HERC2: variants seen among roughly 807,000 people sequenced by gnomAD.
HERC2 encodes HECT and RLD domain containing E3 ubiquitin protein ligase 2, also known as E3 ubiquitin-protein ligase HERC2.
HERC2 carries 102 observed loss-of-function variants against 537.7 expected under a neutral mutation model. That is an observed-to-expected ratio of 0.19 (90% CI 0.16 to 0.22). The LOEUF (loss-of-function observed/expected upper bound fraction) is 0.22, where lower values mean the gene tolerates loss of function less well. Among genes scored for constraint, HERC2 ranks in the 10% least tolerant of loss-of-function variants. The probability of loss-of-function intolerance (pLI) is 1.00; values close to 1 mark genes in which losing one functional copy is unlikely to be tolerated. For missense variants in HERC2, 4,236 were observed against 6,198.2 expected (o/e 0.68, Z 10.63); for synonymous variants, 2,224 against 2,466.2 (o/e 0.90, Z 2.91).
chr15:28,146,222 A>G lies in HERC2; in HGVS notation c.11008+15T>C. 1 of 1,590,300 alleles carries G rather than the reference A, an allele frequency of 6.3e-7. No homozygotes were observed. The highest frequency in any genetic ancestry group is 1.3e-5 in the African/African-American group (1 of 74,408). ...AGGTGGGTAGATCATGCCCTGCTCA[A>G]CCTCCTGTCCTTACCTGACCGCACG... On this transcript the variant is annotated intron_variant, in intron 71 of 92. Transcript: ENST00000261609.
At chr15:28,174,069 A>G (rs1339463456) in intron 65 of HERC2, among the ~76,000 whole-genome samples, 3 of 152,068 alleles carry the variant, frequency 2.0e-5, no homozygotes, top group Non-Finnish European at 1.5e-5. Context: ...ATTATAACTG[A>G]ATAAAGCTGT....
At chr15:28,259,418 C>T (rs1282383481) in intron 16 of HERC2, among the ~76,000 whole-genome samples, 2 of 152,010 alleles carry the variant, frequency 1.3e-5, no homozygotes. Context: ...AAAGCAATCT[C>T]CAGACTCAGA....
chr15:28,223,089 G>A (rs1900697940), intron 35 of HERC2, among the ~76,000 whole-genome samples: 1 of 152,160 alleles, frequency 6.6e-6, no homozygotes, highest in Non-Finnish European at 1.5e-5. Flanking sequence ...AAACCTGGGG[G>A]TGGTCTTGGA....
intron 2 of HERC2, among the ~76,000 whole-genome samples, chr15:28,308,373 G>T (rs958432847): frequency 6.6e-6 from 1 of 152,224 alleles, no homozygotes; most frequent in Non-Finnish European, 1.5e-5. Context: ...TTGGCACACA[G>T]AAATGCTACT....
intron 35 of HERC2, among the ~76,000 whole-genome samples, chr15:28,222,491 A>G (rs1321750799): frequency 6.6e-6 from 1 of 152,222 alleles, no homozygotes; most frequent in African/African-American, 2.4e-5. Flanking sequence ...TCCCCCCAAA[A>G]AAGCAAAATA....
intron 34 of HERC2, 115 bp downstream of exon 34, chr15:28,229,080 A>G (rs1261373682): frequency 1.0e-6 from 1 of 990,780 alleles, no homozygotes; most frequent in Non-Finnish European, 1.6e-6. Context: ...ATACAAGTAC[A>G]AAGTACAAAC....
chr15:28,232,825 A>C (rs1230546129), intron 30 of HERC2, among the ~76,000 whole-genome samples: 3 of 152,238 alleles, frequency 2.0e-5, no homozygotes, highest in Admixed American at 1.3e-4. Context: ...TTCCCATTAT[A>C]TCTCATTACC....
intron 2 of HERC2, among the ~76,000 whole-genome samples, chr15:28,306,735 C>T (rs1321425135): frequency 1.3e-5 from 2 of 152,188 alleles, no homozygotes; most frequent in Non-Finnish European, 2.9e-5. Context: ...TTTATTATTA[C>T]AGTTTCAATC....
Position 28,152,715 on chromosome 15 carries a change from G to C in HERC2, c.10862C>G (p.Thr3621Ser). 1 of 1,551,760 alleles carries C rather than the reference G, an allele frequency of 6.4e-7. No individual in the cohort carries two copies. The highest frequency in any genetic ancestry group is 1.2e-5 in the South Asian group (1 of 84,040). Residue 3621 changes from threonine (T) to serine (S), a missense_variant, in exon 70 of 93, where the codon ACC (threonine) becomes AGC (serine). Physicochemically the swap from Thr to Ser is moderately conservative, Grantham distance 58 (BLOSUM62 1). This residue lies in a region of HERC2 where 356 missense variants were observed against 450.9 expected (regional missense o/e 0.79). Coordinates refer to ENST00000261609, the MANE Select transcript of HERC2 (RefSeq NM_004667.6). Reference sequence around the variant, plus strand: ...TGTGCCACTGGTGGAGGTGTCGTCGGTGTAAGGGTGGCTACTCTCCACCAC... The same window carrying C: ...TGTGCCACTGGTGGAGGTGTCGTCGCTGTAAGGGTGGCTACTCTCCACCAC... ...PVVVESSHPYTDDTSTSGTVK... is the reference protein window; with the variant it reads ...PVVVESSHPYSDDTSTSGTVK...
chr15:28,119,399 C>CAAAAAA (rs201078187), intron 86 of HERC2, among the ~76,000 whole-genome samples: 6 of 133,926 alleles, frequency 4.5e-5, no homozygotes, highest in South Asian at 2.4e-4. Flanking sequence ...GACTCCCTCT[C>CAAAAAA]AAAAAAAAAA....
At chr15:28,155,011 C>T (rs1054246413) in intron 69 of HERC2, among the ~76,000 whole-genome samples, 2 of 149,302 alleles carry the variant, frequency 1.3e-5, no homozygotes, top group Non-Finnish European at 3.0e-5. Flanking sequence ...TGAGAACATG[C>T]AGTGTTTGGT....
At chr15:28,172,004 A>G (rs8034699) in intron 65 of HERC2, among the ~76,000 whole-genome samples, 30,939 of 150,996 alleles carry the variant, frequency 0.2, 6,059 homozygotes, top group African/African-American at 0.5. Flanking sequence ...GAACCCGGGA[A>G]GCAGAGCTTG....
chr15:28,304,114 C>T (rs760323815), intron 2 of HERC2, among the ~76,000 whole-genome samples: 33 of 134,384 alleles, frequency 2.5e-4, no homozygotes, highest in Admixed American at 7.6e-4. Flanking sequence ...TGCAGTGAGC[C>T]GAGATTGCGC....
At chr15:28,175,439 G>A (rs1467568015) in intron 64 of HERC2, 73 bp downstream of exon 64, 4 of 1,395,498 alleles carry the variant, frequency 2.9e-6, no homozygotes, top group African/African-American at 1.4e-5. Context: ...TCAACAGGAC[G>A]AAGGCCGTGT....
At chr15:28,194,006 T>A (rs1897095512) in intron 52 of HERC2, among the ~76,000 whole-genome samples, 1 of 150,338 alleles carries the variant, frequency 6.7e-6, no homozygotes, top group African/African-American at 2.4e-5. Context: ...CAGAAAAATC[T>A]AAATGAATAT....
intron 12 of HERC2, 118 bp from the exon 13 acceptor site, chr15:28,266,092 C>T: frequency 9.5e-7 from 1 of 1,051,668 alleles, no homozygotes; most frequent in Non-Finnish European, 1.4e-6. Context: ...GCCAGTTTCA[C>T]CTTCCAGGTA....
At chr15:28,291,573 G>A (rs2076313228) in intron 4 of HERC2, among the ~76,000 whole-genome samples, 2 of 151,836 alleles carry the variant, frequency 1.3e-5, no homozygotes, top group African/African-American at 2.4e-5. Context: ...AATATTCTAT[G>A]TATATTTTTA....
rs544198637 is a variant in HERC2 at position 28,122,089 on chromosome 15, C to T, written c.13189-660G>A. ...CCGTGCAGCCAGCCAGACCTTGGATCGGGACAGAAAAGACAGACCGGGGAG... is the reference window on the plus strand; with the variant it reads ...CCGTGCAGCCAGCCAGACCTTGGATTGGGACAGAAAAGACAGACCGGGGAG... On this transcript the variant is annotated intron_variant, in intron 85 of 92. Transcript: ENST00000261609. This position sits in a 1 kb window ranked among gnomAD's most constrained non-coding sequence, Gnocchi z 4.1. Among the ~76,000 whole-genome samples, 8 of 135,874 alleles carry T rather than the reference C, an allele frequency of 5.9e-5. No homozygotes were observed. The highest frequency in any genetic ancestry group is 1.7e-4 in the African/African-American group (6 of 35,404). The allele number at this position is 135,874 out of a possible 152,430, so 89.1% of individuals were successfully genotyped here.
chr15:28,288,133 G>A (rs538934974), intron 4 of HERC2, among the ~76,000 whole-genome samples: 8 of 152,302 alleles, frequency 5.3e-5, no homozygotes, highest in South Asian at 2.1e-4. Context: ...TTCTCTGTCA[G>A]AAGATCTAGA....
Sources: allele counts gnomAD v4.1 joint callset (sites outside exome capture counted in the v4.1 genomes callset), GRCh38; gene constraint gnomAD v4.1.1; regional missense constraint gnomAD v4.1.1; non-coding constraint Gnocchi (gnomAD v3.1); transcripts MANE v1.5; gene names NCBI Gene and HGNC (gene_info 2026-07-23, HGNC 2026-07-21).